RNF170: variants seen among roughly 807,000 people sequenced by gnomAD.
RNF170 encodes E3 ubiquitin-protein ligase RNF170.
A neutral mutation model predicts 32.7 loss-of-function variants in RNF170; 12 were observed. The ratio of observed to expected loss-of-function variants is 0.37; its 90% CI spans 0.24 to 0.60. The LOEUF (loss-of-function observed/expected upper bound fraction) is 0.60, where lower values mean the gene tolerates loss of function less well. Among genes scored for constraint, RNF170 ranks in the 20% least tolerant of loss-of-function variants. The pLI, the probability that RNF170 is intolerant of heterozygous loss-of-function variation, is 0.72. For synonymous variants in RNF170, 91 were observed against 103.6 expected (o/e 0.88, Z 0.74); for missense variants, 212 against 311.2 (o/e 0.68, Z 2.40).
At chr8:42,861,434 G>A (rs924315589) in intron 6 of RNF170, 1 of 301,824 alleles carries the variant, frequency 3.3e-6, no homozygotes, top group Non-Finnish European at 6.4e-6. Context: ...TCAACCTCCT[G>A]GGCTCAGGTG....
intron 2 of RNF170, among the ~76,000 whole-genome samples, chr8:42,879,167 T>C (rs772101577): frequency 2.6e-5 from 4 of 152,208 alleles, no homozygotes; most frequent in Non-Finnish European, 5.9e-5. Flanking sequence ...AGGAGATGAA[T>C]GTTTTTTTCA....
chr8:42,876,657 G>GTTTTTT (rs541650996), intron 2 of RNF170, among the ~76,000 whole-genome samples: 1 of 123,030 alleles, frequency 8.1e-6, no homozygotes, highest in African/African-American at 3.2e-5. Context: ...TTTTTTGTGG[G>GTTTTTT]TTTTTTTTTT....
chr8:42,857,814 G>A (rs151183715), intron 6 of RNF170, among the ~76,000 whole-genome samples: 11 of 152,120 alleles, frequency 7.2e-5, no homozygotes, highest in Non-Finnish European at 1.0e-4. Context: ...TGAGCAGATC[G>A]CTTGAAGCCA....
chr8:42,873,727 A>T (rs915174834), intron 3 of RNF170, among the ~76,000 whole-genome samples: 1 of 152,250 alleles, frequency 6.6e-6, no homozygotes, highest in Non-Finnish European at 1.5e-5. Context: ...AATTAATAAT[A>T]AACAAACATG....
intron 2 of RNF170, among the ~76,000 whole-genome samples, chr8:42,883,787 A>T (rs1805602575): frequency 6.6e-6 from 1 of 152,096 alleles, no homozygotes; most frequent in Non-Finnish European, 1.5e-5. Context: ...TTTTACCACA[A>T]AACCAAAACA....
chr8:42,869,892 T>C (rs1273319873), intron 4 of RNF170, 112 bp downstream of exon 4: 3 of 749,848 alleles, frequency 4.0e-6, no homozygotes, highest in Non-Finnish European at 7.2e-6. Flanking sequence ...TAATCTACCC[T>C]ACTCACAAAA....
chr8:42,863,993 G>GTGTC (rs1803892752), intron 5 of RNF170, among the ~76,000 whole-genome samples: 1 of 149,128 alleles, frequency 6.7e-6, no homozygotes, highest in Non-Finnish European at 1.5e-5. Flanking sequence ...GTGTGTGTGT[G>GTGTC]TGTGTGTGTG....
intron 3 of RNF170, among the ~76,000 whole-genome samples, chr8:42,871,978 ATG>A (rs1373089693): frequency 6.6e-6 from 1 of 152,256 alleles, no homozygotes; most frequent in Admixed American, 6.5e-5. Flanking sequence ...CAGGAGCCAC[ATG>A]TGGCCATTGT....
intron 6 of RNF170, among the ~76,000 whole-genome samples, chr8:42,858,898 T>C (rs1437110035): frequency 1.3e-5 from 2 of 152,118 alleles, no homozygotes; most frequent in Non-Finnish European, 2.9e-5. Flanking sequence ...TTCAAAGACA[T>C]TGGGCCACAA....
rs140860160 is a variant in RNF170 at position 42,866,776 on chromosome 8, A to G, written c.323-1287T>C. On this transcript the variant is annotated intron_variant, in intron 4 of 6. Coordinates refer to ENST00000527424, the MANE Select transcript of RNF170 (RefSeq NM_030954.4). ...GATGGGCAACACAGCCTAAAGGAAGAGTCTGGCGACCTCAAGAAGGCACGG... is the reference window on the plus strand; with the variant it reads ...GATGGGCAACACAGCCTAAAGGAAGGGTCTGGCGACCTCAAGAAGGCACGG... Among the ~76,000 whole-genome samples, 19 of 152,374 alleles carry G rather than the reference A, an allele frequency of 1.2e-4. 1 individual carries two copies. The East Asian group carries it at 3.7e-3, about 29-fold the overall frequency.
rs1340966186 is a variant in RNF170 at position 42,854,127 on chromosome 8, C to T, written c.*2032G>A. ...AAATGTTTTTCTGTGATGTATGCCACCCTTTTACCTATTTGATTTGGAAGT... is the reference window on the plus strand; with the variant it reads ...AAATGTTTTTCTGTGATGTATGCCATCCTTTTACCTATTTGATTTGGAAGT... On this transcript the variant is annotated 3_prime_UTR_variant, in exon 7 of 7. Transcript: ENST00000527424. The T allele has an allele frequency of 1.6e-6, 2 of 1,287,236 alleles. No individual in the cohort carries two copies. The highest frequency in any genetic ancestry group is 4.6e-5 in the Admixed American group (2 of 43,552). 79.7% of individuals were successfully genotyped at this position (1,287,236 alleles called of 1,614,324 possible).
In RNF170 at chr8:42,856,363, G is replaced by A. The variant is rs369696416; in HGVS notation, c.573C>T (p.Val191=). ...TGCGAAACATCCAGAAAAGGCCCCC[G>A]ACTGAAAACATTTCCCTGAATGCAT... The part of the protein sequence containing the change: ...LRHAFREMFS[V]GGLFWMFRIR... The change falls in exon 7 of 7, where the codon GTC becomes GTT. Residue 191 remains valine (V), a synonymous_variant. Transcript: ENST00000527424. The A allele has an allele frequency of 6.3e-5, 100 of 1,597,098 alleles. No individual in the cohort carries two copies. Among genetic ancestry groups the A allele is most frequent in the Non-Finnish European group, 7.8e-5 (92 of 1,176,024 alleles).
At chr8:42,859,492 T>C (rs1349713346) in intron 6 of RNF170, among the ~76,000 whole-genome samples, 1 of 151,970 alleles carries the variant, frequency 6.6e-6, no homozygotes, top group Non-Finnish European at 1.5e-5. Context: ...CCGGGTGTGG[T>C]GATGCACCCC....
chr8:42,896,648 G>A (rs1806930801), upstream of RNF170: 1 of 452,180 alleles, frequency 2.2e-6, no homozygotes. Context: ...GCGAGGGCGC[G>A]ACCGGACGGC....
intron 3 of RNF170, among the ~76,000 whole-genome samples, chr8:42,872,962 A>G (rs1173522551): frequency 2.0e-5 from 3 of 152,012 alleles, no homozygotes; most frequent in Non-Finnish European, 4.4e-5. Flanking sequence ...TGAAGCAAGC[A>G]CAGCTCACTG....
At chr8:42,859,706 T>C (rs955821882) in intron 6 of RNF170, among the ~76,000 whole-genome samples, 8 of 152,150 alleles carry the variant, frequency 5.3e-5, no homozygotes, top group African/African-American at 1.9e-4. Context: ...TGGAGTGCAG[T>C]GATGTGATCC....
upstream of RNF170, chr8:42,896,660 G>A (rs535600196): frequency 4.7e-5 from 21 of 451,018 alleles, no homozygotes; most frequent in East Asian, 4.2e-4. Flanking sequence ...CCGGACGGCG[G>A]AGGAGGACCC....
At chr8:42,878,837 T>C (rs999377910) in intron 2 of RNF170, among the ~76,000 whole-genome samples, 29 of 152,186 alleles carry the variant, frequency 1.9e-4, no homozygotes, top group African/African-American at 6.8e-4. Context: ...AGGCTGACTC[T>C]CTTATTAGGG....
At chr8:42,888,088 G>T (rs1805974386) in intron 1 of RNF170, among the ~76,000 whole-genome samples, 1 of 151,864 alleles carries the variant, frequency 6.6e-6, no homozygotes, top group South Asian at 2.1e-4. Context: ...TTTTTGGATG[G>T]AGTCTCTTGC....
Sources: gnomAD v4.1 joint callset for allele counts (sites outside exome capture counted in the v4.1 genomes callset) on GRCh38, gnomAD v4.1.1 for gene constraint, MANE v1.5 for transcripts, NCBI Gene and HGNC (gene_info 2026-07-23, HGNC 2026-07-21) for gene names.